Variants in SH3RF2 observed in about 807,000 individuals in gnomAD.
SH3RF2 encodes E3 ubiquitin-protein ligase SH3RF2.
Under a neutral mutation model 59.0 loss-of-function variants are expected in SH3RF2, and 43 were observed. The ratio of observed to expected loss-of-function variants is 0.73; its 90% CI spans 0.57 to 0.94. The LOEUF is 0.94. SH3RF2 is among the 40% of genes least tolerant of loss of function. SH3RF2 has a pLI of 0.00. For synonymous variants in SH3RF2, 391 were observed against 391.5 expected (o/e 1.00, Z 0.01); for missense variants, 930 against 940.1 (o/e 0.99, Z 0.14).
chr5:146,081,638 G>A (rs752694163), exon 10 of SH3RF2: 3 of 152,210 alleles, frequency 2.0e-5, no homozygotes, highest in Non-Finnish European at 4.4e-5. Flanking sequence ...CATGCAGGGA[G>A]GGGTCAACCG....
At chr5:145,965,554 C>T (rs529471872) in intron 2 of SH3RF2, among the ~76,000 whole-genome samples, 78 of 152,230 alleles carry the variant, frequency 5.1e-4, no homozygotes, top group African/African-American at 1.6e-3. Context: ...TTCATTTCAA[C>T]GAACACTGCC....
chr5:145,998,039 G>A, intron 2 of SH3RF2: 1 of 618,716 alleles, frequency 1.6e-6, no homozygotes, highest in South Asian at 2.1e-5. Flanking sequence ...AGACTACATA[G>A]AAAACTACAA....
chr5:145,965,127 AG>A (rs1234896957), intron 2 of SH3RF2, among the ~76,000 whole-genome samples: 1 of 152,036 alleles, frequency 6.6e-6, no homozygotes, highest in African/African-American at 2.4e-5. Flanking sequence ...CAGGAGGCAG[AG>A]GTTGCAATGA....
chr5:145,982,718 A>C (rs1177872462), intron 2 of SH3RF2, among the ~76,000 whole-genome samples: 2 of 152,280 alleles, frequency 1.3e-5, no homozygotes, highest in African/African-American at 4.8e-5. Context: ...GAGGCAGATA[A>C]ATAAGCAAGC....
intron 2 of SH3RF2, among the ~76,000 whole-genome samples, chr5:145,976,359 A>C (rs1200711510): frequency 6.6e-6 from 1 of 151,644 alleles, no homozygotes; most frequent in Non-Finnish European, 1.5e-5. Flanking sequence ...ATCTAAATGC[A>C]CTTTAGCCCA....
At chr5:146,042,800 ATTTCCTTC>A (rs1229393208) in intron 5 of SH3RF2, among the ~76,000 whole-genome samples, 1 of 152,208 alleles carries the variant, frequency 6.6e-6, no homozygotes, top group East Asian at 1.9e-4. Context: ...TAAGTGAGTC[ATTTCCTTC>A]AAAAGGGAGG....
At chr5:146,004,779 T>C (rs2149986878) in intron 4 of SH3RF2, among the ~76,000 whole-genome samples, 1 of 152,262 alleles carries the variant, frequency 6.6e-6, no homozygotes, top group East Asian at 1.9e-4. Context: ...GATTCATTGT[T>C]AAGTTTTTTA....
downstream of SH3RF2, among the ~76,000 whole-genome samples, chr5:146,063,791 C>A (rs1171187609): frequency 6.6e-6 from 1 of 151,976 alleles, no homozygotes; most frequent in African/African-American, 2.4e-5. Context: ...ACCCGGGAGG[C>A]GGAGATTACA....
intron 4 of SH3RF2, among the ~76,000 whole-genome samples, chr5:146,009,028 C>T (rs954521559): frequency 3.3e-5 from 5 of 152,174 alleles, no homozygotes; most frequent in Admixed American, 3.3e-4. Flanking sequence ...TCATTCACCT[C>T]GTGAAAGACA....
chr5:145,968,825 G>A (rs531183129), intron 2 of SH3RF2, among the ~76,000 whole-genome samples: 105 of 152,308 alleles, frequency 6.9e-4, no homozygotes, highest in Non-Finnish European at 1.2e-4. Flanking sequence ...ATATTGGACA[G>A]TGTGATCTAG....
intron 2 of SH3RF2, among the ~76,000 whole-genome samples, chr5:145,991,332 G>T (rs760136421): frequency 6.6e-6 from 1 of 152,210 alleles, no homozygotes; most frequent in African/African-American, 2.4e-5. Flanking sequence ...GCATATGAAT[G>T]AGATAATACA....
Position 146,062,902 on chromosome 5 carries a change from C to G in SH3RF2, c.*201C>G. On this transcript the variant is annotated 3_prime_UTR_variant, in exon 10 of 10. Transcript: ENST00000359120. ...TAGATGGCGTGGCCTTCCAAACATA[C>G]AAACATAATGATTTGATGCCACAAA... 1.5e-6 allele frequency: 1 copy of G among 669,132 alleles called. No homozygotes were observed. Among genetic ancestry groups the G allele is most frequent in the Non-Finnish European group, 2.5e-6 (1 of 404,738 alleles). 41.4% of individuals were successfully genotyped at this position (669,132 alleles called of 1,614,324 possible). A position where few individuals can be genotyped will look rare whatever the true frequency, so the allele number is the denominator to read the frequency against.
chr5:145,984,453 G>A (rs1002122682), intron 2 of SH3RF2, among the ~76,000 whole-genome samples: 2 of 152,206 alleles, frequency 1.3e-5, no homozygotes, highest in African/African-American at 4.8e-5. Context: ...TGGCACCTAT[G>A]TGGATAAAAC....
intron 4 of SH3RF2, among the ~76,000 whole-genome samples, chr5:146,009,032 A>G (rs188976493): frequency 7.2e-5 from 11 of 152,330 alleles, no homozygotes; most frequent in African/African-American, 1.9e-4. Context: ...TCACCTCGTG[A>G]AAGACACTGG....
At chr5:145,958,943 T>C (rs2149952318) in intron 2 of SH3RF2, among the ~76,000 whole-genome samples, 1 of 152,322 alleles carries the variant, frequency 6.6e-6, no homozygotes, top group South Asian at 2.1e-4. Context: ...CAATTTGGTC[T>C]GAAAAGCAAA....
At chr5:146,039,317 C>T (rs892190600) in intron 5 of SH3RF2, among the ~76,000 whole-genome samples, 1 of 152,102 alleles carries the variant, frequency 6.6e-6, no homozygotes, top group African/African-American at 2.4e-5. Context: ...ATCAGAACTT[C>T]AGTTCATCAA....
At chr5:146,002,370 G>A (rs1250854041) in intron 3 of SH3RF2, among the ~76,000 whole-genome samples, 1 of 152,078 alleles carries the variant, frequency 6.6e-6, no homozygotes, top group Non-Finnish European at 1.5e-5. Context: ...AGAATCGCTT[G>A]AACCCAGGAG....
intron 2 of SH3RF2, among the ~76,000 whole-genome samples, chr5:145,969,331 T>C (rs533914990): frequency 2.2e-4 from 34 of 152,132 alleles, no homozygotes; most frequent in Non-Finnish European, 3.7e-4. Flanking sequence ...ATAGACAGTG[T>C]AGAGTTGATA....
At chr5:145,983,463 A>G (rs1044925663) in intron 2 of SH3RF2, among the ~76,000 whole-genome samples, 1 of 152,154 alleles carries the variant, frequency 6.6e-6, no homozygotes, top group Non-Finnish European at 1.5e-5. Flanking sequence ...TAACAGGCCC[A>G]CCCAAATCCT....
Sources: gnomAD v4.1 joint callset for allele counts (sites outside exome capture counted in the v4.1 genomes callset) on GRCh38, gnomAD v4.1.1 for gene constraint, MANE v1.5 for transcripts, NCBI Gene and HGNC (gene_info 2026-07-23, HGNC 2026-07-21) for gene names.